The following ALPL variants were observed in gnomAD, a reference collection of about 807,000 sequenced individuals.
ALPL encodes alkaline phosphatase, biomineralization associated, also known as alkaline phosphatase, tissue-nonspecific isozyme.
ALPL carries 42 observed loss-of-function variants against 51.3 expected under a neutral mutation model. That is an observed-to-expected ratio of 0.82 (90% CI 0.64 to 1.06). The LOEUF is 1.06. Ranked by LOEUF, ALPL falls within the 50% of genes least tolerant of loss-of-function variation. The pLI, the probability that ALPL is intolerant of heterozygous loss-of-function variation, is 0.00. For missense variants in ALPL, 589 were observed against 709.4 expected (o/e 0.83, Z 1.93); for synonymous variants, 279 against 296.4 (o/e 0.94, Z 0.60).
At chr1:21,541,361 C>A (rs936834101) in intron 1 of ALPL, among the ~76,000 whole-genome samples, 5 of 152,236 alleles carry the variant, frequency 3.3e-5, no homozygotes, top group South Asian at 2.1e-4. Flanking sequence ...GTGAGGTCAC[C>A]TGCTCTGAGC....
intron 6 of ALPL, among the ~76,000 whole-genome samples, chr1:21,565,251 G>A (rs768749928): frequency 2.0e-5 from 3 of 152,192 alleles, no homozygotes; most frequent in Non-Finnish European, 4.4e-5. Context: ...GGTGGATTAA[G>A]TACCCGCTTT....
intron 1 of ALPL, among the ~76,000 whole-genome samples, chr1:21,548,549 A>G (rs1034368156): frequency 2.8e-4 from 43 of 152,226 alleles, no homozygotes; most frequent in African/African-American, 9.9e-4. Context: ...GAGGAGAGAC[A>G]GACCAATAAC....
chr1:21,512,624 C>T (rs979676858), intron 1 of ALPL, among the ~76,000 whole-genome samples: 2 of 152,078 alleles, frequency 1.3e-5, no homozygotes, highest in African/African-American at 4.8e-5. Flanking sequence ...AGTCACTTTA[C>T]CTCTCTGAGT....
intron 3 of ALPL, 95 bp downstream of exon 3, chr1:21,560,840 C>A: frequency 6.6e-7 from 1 of 1,513,570 alleles, no homozygotes; most frequent in Admixed American, 1.9e-5. Flanking sequence ...GTTGAAGGGG[C>A]TAGGGCTCTG....
At chr1:21,575,541 C>T (rs1644714999) in intron 9 of ALPL, among the ~76,000 whole-genome samples, 192 bp from the exon 10 acceptor site, 1 of 152,226 alleles carries the variant, frequency 6.6e-6, no homozygotes, top group South Asian at 2.1e-4. Context: ...GGGGCTGTCC[C>T]TCTCTGGCCT....
At chr1:21,532,713 G>A (rs1644046665) in intron 1 of ALPL, among the ~76,000 whole-genome samples, 1 of 152,182 alleles carries the variant, frequency 6.6e-6, no homozygotes, top group Admixed American at 6.5e-5. Context: ...CACGGCTTCT[G>A]GACCTTGGCA....
intron 8 of ALPL, among the ~76,000 whole-genome samples, chr1:21,571,649 G>C (rs1644649906): frequency 6.7e-6 from 1 of 149,340 alleles, no homozygotes; most frequent in Non-Finnish European, 1.5e-5. Flanking sequence ...TCCAGCCTGG[G>C]TGACAGAGCA....
At chr1:21,535,719 C>T (rs747978681) in intron 1 of ALPL, among the ~76,000 whole-genome samples, 1 of 152,158 alleles carries the variant, frequency 6.6e-6, no homozygotes, top group Non-Finnish European at 1.5e-5. Flanking sequence ...TTAGCTTTCT[C>T]GTTTTCTTTA....
chr1:21,519,200 C>T (rs112192219), intron 1 of ALPL, among the ~76,000 whole-genome samples: 1 of 152,188 alleles, frequency 6.6e-6, no homozygotes, highest in African/African-American at 2.4e-5. Context: ...GTGATGAGGC[C>T]CAGAAACCTG....
Position 21,568,163 on chromosome 1 carries a change from T to G in ALPL, c.708T>G (p.Tyr236Ter). 1 of 1,613,962 alleles carries G rather than the reference T, an allele frequency of 6.2e-7. No homozygotes were observed. The highest frequency in any genetic ancestry group is 8.5e-7 in the Non-Finnish European group (1 of 1,179,990). ...CCAAGAATAAAACTGATGTGGAGTA[T>G]GAGAGTGACGAGAAAGCCAGGGGCA... ...MYPKNKTDVE[Y>*]ESDEKARGTR... Residue 236 changes from tyrosine (Y) to a stop codon, truncating the protein, a stop_gained, in exon 7 of 12, where the codon TAT (tyrosine) becomes TAG (stop). Coordinates refer to ENST00000374840, the MANE Select transcript of ALPL (RefSeq NM_000478.6). LOFTEE classifies it high-confidence loss of function.
chr1:21,573,890 G>A, intron 9 of ALPL, 91 bp downstream of exon 9: 1 of 1,588,434 alleles, frequency 6.3e-7, no homozygotes. Flanking sequence ...GGAACTGACT[G>A]GTTTGGGGGT....
At chr1:21,540,406 G>C (rs1644167434) in intron 1 of ALPL, among the ~76,000 whole-genome samples, 1 of 152,194 alleles carries the variant, frequency 6.6e-6, no homozygotes, top group African/African-American at 2.4e-5. Context: ...GAGCCTCAGG[G>C]ACCCCCAGAG....
intron 1 of ALPL, among the ~76,000 whole-genome samples, chr1:21,552,108 C>CT (rs1644335650): frequency 1.4e-3 from 1 of 732 alleles, no homozygotes; most frequent in Non-Finnish European, 2.7e-3. Context: ...CTTCCCTTTC[C>CT]TCCCCTTCCC....
chr1:21,546,072 C>T (rs141004076), intron 1 of ALPL, among the ~76,000 whole-genome samples: 1 of 152,270 alleles, frequency 6.6e-6, no homozygotes, highest in East Asian at 1.9e-4. Context: ...CCTCAGCCTC[C>T]CAAAGTGCTG....
chr1:21,520,130 G>C (rs958113917), intron 1 of ALPL, among the ~76,000 whole-genome samples: 1 of 151,846 alleles, frequency 6.6e-6, no homozygotes, highest in Non-Finnish European at 1.5e-5. Flanking sequence ...TGTTGTTGTT[G>C]TTTGTTTGTT....
In ALPL at chr1:21,565,230, T is replaced by C. The variant is rs182240649; in HGVS notation, c.648+1014T>C. On this transcript the variant is annotated intron_variant, in intron 6 of 11. Transcript: ENST00000374840. ...CACAGTAGAGACCCACGTCTGCCCT[T>C]TTCCCAGCATGGTGGATTAAGTACC... Among the ~76,000 whole-genome samples, 674 of 152,310 alleles carry C rather than the reference T, an allele frequency of 4.4e-3. 6 individuals are homozygous for C. The highest frequency in any genetic ancestry group is 0.016 in the Admixed American group (240 of 15,298).
chr1:21,573,898 G>T lies in ALPL; in HGVS notation c.997+99G>T, dbSNP rs554136485. 5.6e-5 allele frequency: 88 copies of T among 1,576,294 alleles called. 1 individual carries two copies. In the South Asian group the frequency reaches 1.0e-3, roughly 18 times the overall value. ...CTTAAAGGGAACTGACTGGTTTGGG[G>T]GTGAAGGGAGAGGTCCCTTTAGGAG... is the stretch of plus-strand genomic sequence containing the variant. On this transcript the variant is annotated intron_variant, in intron 9 of 11. Coordinates refer to ENST00000374840, the MANE Select transcript of ALPL (RefSeq NM_000478.6).
At chr1:21,532,551 G>A (rs1644044748) in intron 1 of ALPL, among the ~76,000 whole-genome samples, 1 of 152,066 alleles carries the variant, frequency 6.6e-6, no homozygotes, top group Non-Finnish European at 1.5e-5. Flanking sequence ...AGAGAAATAA[G>A]GAAAAACATT....
intron 6 of ALPL, among the ~76,000 whole-genome samples, chr1:21,565,523 G>C (rs1227304675): frequency 3.3e-5 from 5 of 152,092 alleles, no homozygotes; most frequent in African/African-American, 1.2e-4. Context: ...GCTCCTCAGA[G>C]GGGTTTGTCA....
Sources: allele counts gnomAD v4.1 joint callset (sites outside exome capture counted in the v4.1 genomes callset), GRCh38; gene constraint gnomAD v4.1.1; transcripts MANE v1.5; gene names NCBI Gene and HGNC (gene_info 2026-07-23, HGNC 2026-07-21).